Variants in FEM1B observed in about 807,000 individuals in gnomAD.
FEM1B encodes protein fem-1 homolog B.
Under a neutral mutation model 38.6 loss-of-function variants are expected in FEM1B, and 10 were observed. That is an observed-to-expected ratio of 0.26 (90% CI 0.16 to 0.44). FEM1B has a LOEUF of 0.44. Among genes scored for constraint, FEM1B ranks in the 20% least tolerant of loss-of-function variants. The pLI is 1.00. For synonymous variants in FEM1B, 288 were observed against 288.0 expected (o/e 1.00, Z 0.00); for missense variants, 471 against 786.7 (o/e 0.60, Z 4.80).
Position 68,294,767 on chromosome 15 carries a change from G to A in FEM1B, c.*3525G>A, listed in dbSNP as rs536045767. The stretch of plus-strand genomic sequence containing the variant: ...TTAAATGTTCCTTTTCAAATTAGAT[G>A]TGTTGATGCACACATGACTATTCTG... On this transcript the variant is annotated 3_prime_UTR_variant, in exon 2 of 2. Transcript: ENST00000306917. The surrounding 1 kb of genome is among the most constrained non-coding windows in gnomAD (Gnocchi z 4.4). 36 of 152,210 alleles carry A rather than the reference G, an allele frequency of 2.4e-4. No individual in the cohort carries two copies. The highest frequency in any genetic ancestry group is 8.7e-4 in the African/African-American group (36 of 41,544). 9.4% of individuals were successfully genotyped at this position (152,210 alleles called of 1,614,324 possible). A position where few individuals can be genotyped will look rare whatever the true frequency, so the allele number is the denominator to read the frequency against.
Position 68,278,248 on chromosome 15 carries a change from C to A in FEM1B, c.-170C>A. On this transcript the variant is annotated 5_prime_UTR_variant, in exon 1 of 2. Coordinates refer to ENST00000306917, the MANE Select transcript of FEM1B (RefSeq NM_015322.5). The surrounding 1 kb of genome is among the most constrained non-coding windows in gnomAD (Gnocchi z 5.7). ...CCTTCGCGGCACTCGGCCTCCTCTG[C>A]GTCTCCGCCTTCCCTGGGCCGCACT... The A allele has an allele frequency of 1.1e-6, 1 of 882,846 alleles. No individual in the cohort carries two copies. The highest frequency in any genetic ancestry group is 1.8e-5 in the South Asian group (1 of 55,628). 54.7% of individuals were successfully genotyped at this position (882,846 alleles called of 1,614,324 possible).
At chr15:68,282,271 A>AAGTC (rs1280685995) in intron 1 of FEM1B, among the ~76,000 whole-genome samples, 1 of 151,710 alleles carries the variant, frequency 6.6e-6, no homozygotes, top group Non-Finnish European at 1.5e-5. Context: ...TGTTCTTTTA[A>AAGTC]AGTCAGTGCT....
Position 68,295,192 on chromosome 15 carries a change from G to A in FEM1B, c.*3950G>A, listed in dbSNP as rs1025506978. On this transcript the variant is annotated 3_prime_UTR_variant, in exon 2 of 2. Coordinates refer to ENST00000306917, the MANE Select transcript of FEM1B (RefSeq NM_015322.5). The stretch of plus-strand genomic sequence containing the variant: ...TGTAGGGAAGAGACAGTGACTTGAT[G>A]GTTATGGGGAGTGTATCTTGATGTG... 1.3e-5 allele frequency: 2 copies of A among 152,210 alleles called. No individual in the cohort carries two copies. Among genetic ancestry groups the A allele is most frequent in the Middle Eastern group, 3.4e-3 (1 of 296 alleles). 9.4% of individuals were successfully genotyped at this position (152,210 alleles called of 1,614,324 possible).
chr15:68,278,293 G>T lies in FEM1B; in HGVS notation c.-125G>T. 7.7e-7 allele frequency: 1 copy of T among 1,300,740 alleles called. No homozygotes were observed. Among genetic ancestry groups the T allele is most frequent in the Non-Finnish European group, 1.0e-6 (1 of 967,900 alleles). The allele number at this position is 1,300,740 out of a possible 1,614,324, so 80.6% of individuals were successfully genotyped here. ...CGCACTGCTGCCTGGGCGCGGCGGC[G>T]GCGACGGCGCCCTGTTGAATGGGCT... is the stretch of plus-strand genomic sequence containing the variant. On this transcript the variant is annotated 5_prime_UTR_variant, in exon 1 of 2. Coordinates refer to ENST00000306917, the MANE Select transcript of FEM1B (RefSeq NM_015322.5). This position sits in a 1 kb window ranked among gnomAD's most constrained non-coding sequence, Gnocchi z 5.7.
intron 1 of FEM1B, among the ~76,000 whole-genome samples, chr15:68,285,462 A>G (rs749232785): frequency 1.3e-5 from 2 of 152,236 alleles, no homozygotes; most frequent in Admixed American, 6.5e-5. Flanking sequence ...TCAACAACCA[A>G]ATTACATTCC....
In FEM1B at chr15:68,294,565, T is replaced by A. The variant is rs1206307647; in HGVS notation, c.*3323T>A. ...CAGCTACTTTATGAATAAGACCACT[T>A]TGGGTTATTTAAGCAGAAGCGTTTC... On this transcript the variant is annotated 3_prime_UTR_variant, in exon 2 of 2. Transcript: ENST00000306917. The surrounding 1 kb of genome is among the most constrained non-coding windows in gnomAD (Gnocchi z 4.4). 1 of 152,056 alleles carries A rather than the reference T, an allele frequency of 6.6e-6. No individual in the cohort carries two copies. The highest frequency in any genetic ancestry group is 1.5e-5 in the Non-Finnish European group (1 of 67,984). 9.4% of individuals were successfully genotyped at this position (152,056 alleles called of 1,614,324 possible).
In FEM1B at chr15:68,278,342, T is replaced by C; in HGVS notation, c.-76T>C. ...CTGTGAGGGCCCAGGTTTAAAGCGC[T>C]GGCGAACGCGGCCTCCGGGGGCGCA... On this transcript the variant is annotated 5_prime_UTR_variant, in exon 1 of 2. Coordinates refer to ENST00000306917, the MANE Select transcript of FEM1B (RefSeq NM_015322.5). The surrounding 1 kb of genome is among the most constrained non-coding windows in gnomAD (Gnocchi z 5.7). 2.0e-6 allele frequency: 3 copies of C among 1,525,658 alleles called. No homozygotes were observed. The highest frequency in any genetic ancestry group is 2.6e-6 in the Non-Finnish European group (3 of 1,134,910). 94.5% of individuals were successfully genotyped at this position (1,525,658 alleles called of 1,614,324 possible).
rs762230327 is a variant in FEM1B at position 68,291,292 on chromosome 15, T to A, written c.*50T>A. The A allele has an allele frequency of 7.3e-7, 1 of 1,361,324 alleles. No individual in the cohort carries two copies. The highest frequency in any genetic ancestry group is 1.5e-5 in the African/African-American group (1 of 68,594). The allele number at this position is 1,361,324 out of a possible 1,614,324, so 84.3% of individuals were successfully genotyped here. On this transcript the variant is annotated 3_prime_UTR_variant, in exon 2 of 2. Transcript: ENST00000306917. This position sits in a 1 kb window ranked among gnomAD's most constrained non-coding sequence, Gnocchi z 6.9. ...AATGTGGTGCTAAAAAGTAAAGGAC[T>A]TTTAATCACAGACAGTAGAATTATG...
In FEM1B at chr15:68,288,658, C is replaced by T. The variant is rs979721441; in HGVS notation, c.249-949C>T. 6.6e-6 allele frequency among the ~76,000 whole-genome samples: 1 copy of T among 152,152 alleles called. No individual in the cohort carries two copies. Among genetic ancestry groups the T allele is most frequent in the Non-Finnish European group, 1.5e-5 (1 of 68,018 alleles). ...AGTGATAAGTATGAAGCCACAAGTC[C>T]AGTCATGTCAGAGAAGATATCTGCT... On this transcript the variant is annotated intron_variant, in intron 1 of 1. Coordinates refer to ENST00000306917, the MANE Select transcript of FEM1B (RefSeq NM_015322.5). The surrounding 1 kb of genome is among the most constrained non-coding windows in gnomAD (Gnocchi z 4.6).
In FEM1B at chr15:68,290,709, G is replaced by A. The variant is rs771011808; in HGVS notation, c.1351G>A (p.Val451Met). ...TAATCTCTATACCTTTCTGTATTTA[G>A]TGTGCATCTCTACCAAAACACAGTG... ...ECNLYTFLYL[V>M]CISTKTQCSE... Residue 451 changes from valine to methionine, a missense_variant, in exon 2 of 2, where the codon GTG becomes ATG. Physicochemically the swap from Val to Met is conservative, Grantham distance 21. This residue lies in a region of FEM1B where 380 missense variants were observed against 599.6 expected (regional missense o/e 0.63). Transcript: ENST00000306917. This position sits in a 1 kb window ranked among gnomAD's most constrained non-coding sequence, Gnocchi z 9.7. 11 of 1,614,094 alleles carry A rather than the reference G, an allele frequency of 6.8e-6. No homozygotes were observed. The highest frequency in any genetic ancestry group is 9.3e-6 in the Non-Finnish European group (11 of 1,179,998).
Position 68,281,096 on chromosome 15 carries a change from A to G in FEM1B, c.248+2431A>G, listed in dbSNP as rs1401493877. Among the ~76,000 whole-genome samples the G allele has an allele frequency of 1.3e-5, 2 of 152,220 alleles. No individual in the cohort carries two copies. The highest frequency in any genetic ancestry group is 4.8e-5 in the African/African-American group (2 of 41,448). ...GATTTTAGAACCAAAAAAGAGTGTG[A>G]TGATTTCACTTTGCATTTGTTTCAG... On this transcript the variant is annotated intron_variant, in intron 1 of 1. Transcript: ENST00000306917. This position sits in a 1 kb window ranked among gnomAD's most constrained non-coding sequence, Gnocchi z 5.1.
chr15:68,278,203 G>A lies in FEM1B; in HGVS notation c.-215G>A. 1.7e-6 allele frequency: 1 copy of A among 594,932 alleles called. No individual in the cohort carries two copies. The highest frequency in any genetic ancestry group is 2.8e-6 in the Non-Finnish European group (1 of 360,282). 36.9% of individuals were successfully genotyped at this position (594,932 alleles called of 1,614,324 possible). On this transcript the variant is annotated 5_prime_UTR_variant, in exon 1 of 2. Coordinates refer to ENST00000306917, the MANE Select transcript of FEM1B (RefSeq NM_015322.5). This position sits in a 1 kb window ranked among gnomAD's most constrained non-coding sequence, Gnocchi z 5.7. ...GCCCTGACCGCCTTCCTCCCTGCGC[G>A]GGCTGGGTCGCGGACGTGCCCTTCG...
chr15:68,279,361 A>T (rs777541915), intron 1 of FEM1B, among the ~76,000 whole-genome samples: 3 of 152,172 alleles, frequency 2.0e-5, no homozygotes, highest in Non-Finnish European at 4.4e-5. Flanking sequence ...ATTTACTGTT[A>T]GTTGAGGTGG....
rs769774488 is a variant in FEM1B at position 68,290,327 on chromosome 15, T to C, written c.969T>C (p.Ala323=). 23 of 1,614,172 alleles carry C rather than the reference T, an allele frequency of 1.4e-5. No individual in the cohort carries two copies. The highest frequency in any genetic ancestry group is 1.9e-5 in the Non-Finnish European group (22 of 1,180,006). The change falls in exon 2 of 2, where the codon GCT becomes GCC. Residue 323 remains alanine, a synonymous_variant. Transcript: ENST00000306917. This position sits in a 1 kb window ranked among gnomAD's most constrained non-coding sequence, Gnocchi z 9.7. Reference sequence around the variant, plus strand: ...AGTCCATTCGGCAAGACAGAGATGCTCTTCATATGGAAGGCCTTATAGTTC... The same window carrying C: ...AGTCCATTCGGCAAGACAGAGATGCCCTTCATATGGAAGGCCTTATAGTTC... ...ELESIRQDRD[A]LHMEGLIVRE...
rs774056725 is a variant in FEM1B, at chr15:68,284,835, TAGTA to T, written c.249-4768_249-4765del. Among the ~76,000 whole-genome samples, 2 of 152,206 alleles carry T rather than the reference TAGTA, an allele frequency of 1.3e-5. No homozygotes were observed. Among genetic ancestry groups the T allele is most frequent in the East Asian group, 1.9e-4 (1 of 5,198 alleles). ...GGTCTTTCCCGTGCTGTTCTCTTGA[TAGTA>T]AGTGTCACGGGATCTGATGATTGTA... On this transcript the variant is annotated intron_variant, in intron 1 of 1. Coordinates refer to ENST00000306917, the MANE Select transcript of FEM1B (RefSeq NM_015322.5). This position sits in a 1 kb window ranked among gnomAD's most constrained non-coding sequence, Gnocchi z 4.4.
In FEM1B at chr15:68,289,672, A is replaced by G. The variant is rs544892664; in HGVS notation, c.314A>G (p.Lys105Arg). The change falls in exon 2 of 2, where the codon AAA (lysine) becomes AGA (arginine). Residue 105 changes from lysine to arginine, a missense_variant. Coordinates refer to ENST00000306917, the MANE Select transcript of FEM1B (RefSeq NM_015322.5). The surrounding 1 kb of genome is among the most constrained non-coding windows in gnomAD (Gnocchi z 6.9). The stretch of plus-strand genomic sequence containing the variant: ...GGAGCAGGACATTTTGAAGTTGTTA[A>G]ACTTCTAGTCAGCCATGGAGCCAAC... ...AAGAGHFEVV[K>R]LLVSHGANVN... 6.8e-6 allele frequency: 11 copies of G among 1,614,092 alleles called. No homozygotes were observed. The Admixed American group carries it at 1.5e-4, about 22-fold the overall frequency.
In FEM1B at chr15:68,278,597, G is replaced by A; in HGVS notation, c.180G>A (p.Lys60=). ...LIIAARNGHA[K]VVRLLLEHYR... is the part of the protein sequence containing the mutation. ...TCGCAGCCCGCAATGGACACGCAAA[G>A]GTGGTACGCTTGCTCTTAGAACATT... is the stretch of plus-strand genomic sequence containing the variant. The change falls in exon 1 of 2, where the codon AAG becomes AAA. Residue 60 remains lysine, a synonymous_variant. Transcript: ENST00000306917. This position sits in a 1 kb window ranked among gnomAD's most constrained non-coding sequence, Gnocchi z 5.7. The A allele has an allele frequency of 1.2e-6, 2 of 1,614,132 alleles. No individual in the cohort carries two copies. The highest frequency in any genetic ancestry group is 1.7e-6 in the Non-Finnish European group (2 of 1,180,036).
rs1471500481 is a variant in FEM1B at position 68,295,017 on chromosome 15, C to G, written c.*3775C>G. 6.6e-6 allele frequency: 1 copy of G among 152,136 alleles called. No individual in the cohort carries two copies. Among genetic ancestry groups the G allele is most frequent in the African/African-American group, 2.4e-5 (1 of 41,412 alleles). The allele number at this position is 152,136 out of a possible 1,614,324, so 9.4% of individuals were successfully genotyped here. On this transcript the variant is annotated 3_prime_UTR_variant, in exon 2 of 2. Coordinates refer to ENST00000306917, the MANE Select transcript of FEM1B (RefSeq NM_015322.5). ...GTATTTCTGGCAGACTTGCCCAAAT[C>G]TTTAGATGGGCTGGGTTATACAGCA...
chr15:68,287,316 G>A (rs1892799893), intron 1 of FEM1B, among the ~76,000 whole-genome samples: 1 of 152,166 alleles, frequency 6.6e-6, no homozygotes. Flanking sequence ...AAAATGCAGA[G>A]GTCTTAAGTA....
Sources: allele counts gnomAD v4.1 joint callset (sites outside exome capture counted in the v4.1 genomes callset), GRCh38; gene constraint gnomAD v4.1.1; regional missense constraint gnomAD v4.1.1; non-coding constraint Gnocchi (gnomAD v3.1); transcripts MANE v1.5; gene names NCBI Gene and HGNC (gene_info 2026-07-23, HGNC 2026-07-21).